The following CSMD1 variants were observed in gnomAD, a reference collection of about 807,000 sequenced individuals.
CSMD1 encodes the protein CUB and Sushi multiple domains 1.
Under a neutral mutation model 417.5 loss-of-function variants are expected in CSMD1, and 213 were observed. The observed-to-expected ratio is 0.51, with a 90% CI of 0.46 to 0.57. The LOEUF is 0.57. Ranked by LOEUF, CSMD1 falls within the 20% of genes least tolerant of loss-of-function variation. The pLI is 0.00. For synonymous variants in CSMD1, 2,862 were observed against 1,736.8 expected (o/e 1.65, Z -16.11); for missense variants, 6,923 against 4,529.7 (o/e 1.53, Z -15.17).
At chr8:4,332,702 G>A (rs1434075080) in intron 3 of CSMD1, among the ~76,000 whole-genome samples, 2 of 151,778 alleles carry the variant, frequency 1.3e-5, no homozygotes, top group African/African-American at 2.4e-5. Flanking sequence ...TAAATTACAT[G>A]AAAAAGTATT....
intron 5 of CSMD1, among the ~76,000 whole-genome samples, chr8:3,908,596 G>T (rs1049964326): frequency 3.4e-4 from 52 of 151,962 alleles, no homozygotes; most frequent in African/African-American, 1.2e-3. Context: ...TTAATCCCTG[G>T]AACATACTTT....
At chr8:3,898,789 A>T (rs1301402098) in intron 5 of CSMD1, among the ~76,000 whole-genome samples, 2 of 152,202 alleles carry the variant, frequency 1.3e-5, no homozygotes, top group Non-Finnish European at 2.9e-5. Context: ...TCTCTAAAAC[A>T]TTAACATCTT....
At chr8:3,566,046 C>G (rs531665414) in intron 10 of CSMD1, among the ~76,000 whole-genome samples, 3 of 151,982 alleles carry the variant, frequency 2.0e-5, no homozygotes, top group Admixed American at 6.6e-5. Context: ...GCCTGTCATA[C>G]GGGACCCTGT....
At chr8:3,280,931 A>G (rs10087917) in intron 26 of CSMD1, among the ~76,000 whole-genome samples, 114,271 of 152,058 alleles carry the variant, frequency 0.75, 43,324 homozygotes, top group Admixed American at 0.84. Context: ...AGTGATGGCC[A>G]GGTTTCAACA....
intron 18 of CSMD1, among the ~76,000 whole-genome samples, chr8:3,385,095 T>TAAAA (rs1563333649): frequency 2.4e-5 from 2 of 83,016 alleles, no homozygotes; most frequent in African/African-American, 1.2e-4. Context: ...ATATATAAAA[T>TAAAA]ATATATATAA....
chr8:4,899,760 T>C (rs1009461135), intron 1 of CSMD1, among the ~76,000 whole-genome samples: 1 of 152,288 alleles, frequency 6.6e-6, no homozygotes, highest in East Asian at 1.9e-4. Context: ...AAAGCTAGAA[T>C]GCACTATAAC....
chr8:4,036,449 G>C (rs1389236214), intron 3 of CSMD1, among the ~76,000 whole-genome samples: 1 of 152,096 alleles, frequency 6.6e-6, no homozygotes, highest in Non-Finnish European at 1.5e-5. Context: ...ATGAATATGA[G>C]TCTCCCCAAG....
chr8:3,757,585 C>T (rs537704032), intron 5 of CSMD1, among the ~76,000 whole-genome samples: 83 of 152,190 alleles, frequency 5.5e-4, no homozygotes, highest in Admixed American at 9.8e-4. Context: ...AAAACAGACC[C>T]GGTGCAGTGG....
chr8:4,824,521 T>G (rs536484854), intron 1 of CSMD1, among the ~76,000 whole-genome samples: 2 of 152,262 alleles, frequency 1.3e-5, no homozygotes, highest in Admixed American at 6.5e-5. Context: ...TTAAAATATT[T>G]TGGGAATACA....
At chr8:4,565,615 G>C (rs559881362) in intron 2 of CSMD1, among the ~76,000 whole-genome samples, 18 of 151,672 alleles carry the variant, frequency 1.2e-4, no homozygotes, top group African/African-American at 4.1e-4. Flanking sequence ...GGCACCTGTA[G>C]TCCCAGCTAC....
chr8:3,694,150 C>T (rs552439838), intron 7 of CSMD1, among the ~76,000 whole-genome samples: 90 of 151,826 alleles, frequency 5.9e-4, no homozygotes, highest in African/African-American at 2.1e-3. Context: ...TGTGTACATG[C>T]TGGAGAGGGG....
chr8:3,760,456 A>C (rs117827674), intron 5 of CSMD1, among the ~76,000 whole-genome samples: 1,794 of 152,268 alleles, frequency 0.012, 61 homozygotes, highest in Admixed American at 0.062. Context: ...ATTTTCTCCA[A>C]ATAATTGTAC....
At chr8:4,021,140 G>T (rs111416962) in intron 4 of CSMD1, among the ~76,000 whole-genome samples, 2 of 152,226 alleles carry the variant, frequency 1.3e-5, no homozygotes, top group South Asian at 2.1e-4. Flanking sequence ...AGCCTGAAGT[G>T]TATGCAGCTC....
chr8:4,623,415 A>T (rs965468552), intron 2 of CSMD1, among the ~76,000 whole-genome samples: 3 of 152,136 alleles, frequency 2.0e-5, no homozygotes, highest in Non-Finnish European at 4.4e-5. Flanking sequence ...AGATTAGAAA[A>T]CATTTTAGCC....
At chr8:4,773,493 G>C (rs370996737) in intron 1 of CSMD1, among the ~76,000 whole-genome samples, 3 of 152,126 alleles carry the variant, frequency 2.0e-5, no homozygotes, top group Non-Finnish European at 4.4e-5. Context: ...CATGGATAAA[G>C]AATACTCTCA....
At chr8:3,939,777 A>C (rs577126909) in intron 5 of CSMD1, among the ~76,000 whole-genome samples, 94 of 152,294 alleles carry the variant, frequency 6.2e-4, no homozygotes, top group Non-Finnish European at 9.6e-4. Flanking sequence ...ATGGAAAAAC[A>C]AACGTCATAT....
rs193119240 is a variant in CSMD1 at position 4,527,432 on chromosome 8, C to T, written c.303-107367G>A. Among the ~76,000 whole-genome samples the T allele has an allele frequency of 1.2e-4, 19 of 152,288 alleles. No homozygotes were observed. The East Asian group carries it at 3.5e-3, about 28-fold the overall frequency. On this transcript the variant is annotated intron_variant, in intron 2 of 69. Coordinates refer to ENST00000635120, the MANE Select transcript of CSMD1 (RefSeq NM_033225.6). Reference sequence around the variant, plus strand: ...GAACTTATTTTAGGCCATGCAATTGCCTTTACCTATCCTTCTGGCAGATCC... The same window carrying T: ...GAACTTATTTTAGGCCATGCAATTGTCTTTACCTATCCTTCTGGCAGATCC...
In CSMD1 at chr8:4,321,642, T is replaced by C. The variant is rs185995490; in HGVS notation, c.415+98311A>G. On this transcript the variant is annotated intron_variant, in intron 3 of 69. Transcript: ENST00000635120. Reference sequence around the variant, plus strand: ...CCCTTTCTGCTCTACCTCTGCAAAGTTTAATAGTGGTAAAGATAAAAGAGC... The same window carrying C: ...CCCTTTCTGCTCTACCTCTGCAAAGCTTAATAGTGGTAAAGATAAAAGAGC... 3.9e-4 allele frequency among the ~76,000 whole-genome samples: 59 copies of C among 152,244 alleles called. No homozygotes were observed. The East Asian group carries it at 9.5e-3, about 24-fold the overall frequency.
intron 5 of CSMD1, among the ~76,000 whole-genome samples, chr8:3,861,476 G>C (rs1013290769): frequency 1.3e-5 from 2 of 152,202 alleles, no homozygotes; most frequent in African/African-American, 2.4e-5. Flanking sequence ...AGAGGCCATA[G>C]ATTTGGACTC....
Sources: allele counts gnomAD v4.1 joint callset (sites outside exome capture counted in the v4.1 genomes callset), GRCh38; gene constraint gnomAD v4.1.1; transcripts MANE v1.5; gene names NCBI Gene and HGNC (gene_info 2026-07-23, HGNC 2026-07-21).